SPRED2: variants seen among roughly 807,000 people sequenced by gnomAD.
SPRED2 encodes sprouty related EVH1 domain containing 2, also known as sprouty-related, EVH1 domain-containing protein 2.
SPRED2 carries 47 observed loss-of-function variants against 43.0 expected under a neutral mutation model. The ratio of observed to expected loss-of-function variants is 1.09; its 90% CI spans 0.87 to 1.40. SPRED2 has a LOEUF of 1.40. SPRED2 is among the 40% of genes most tolerant of loss of function. The pLI is 0.00. For missense variants in SPRED2, 561 were observed against 586.4 expected (o/e 0.96, Z 0.45); for synonymous variants, 225 against 225.7 (o/e 1.00, Z 0.03).
At chr2:65,391,752 T>C (rs550264908) in intron 1 of SPRED2, among the ~76,000 whole-genome samples, 4 of 152,342 alleles carry the variant, frequency 2.6e-5, no homozygotes, top group Non-Finnish European at 1.5e-5. Flanking sequence ...ACCAAACTGC[T>C]TTCCAGAAAG....
In SPRED2 at chr2:65,432,310, C is replaced by A; in HGVS notation, c.-323G>T. 3.2e-6 allele frequency: 1 copy of A among 315,834 alleles called. No individual in the cohort carries two copies. The highest frequency in any genetic ancestry group is 6.0e-6 in the Non-Finnish European group (1 of 166,686). The allele number at this position is 315,834 out of a possible 1,614,324, so 19.6% of individuals were successfully genotyped here. ...GCGGTGGGGGAGAGCAGGAGAAAAA[C>A]AAGCGCGCCTCGGAGCGGCAGGGAC... On this transcript the variant is annotated 5_prime_UTR_variant, in exon 1 of 6. Transcript: ENST00000356388.
chr2:65,339,102 G>T (rs1388117072), intron 2 of SPRED2, among the ~76,000 whole-genome samples: 2 of 72,210 alleles, frequency 2.8e-5, no homozygotes, highest in African/African-American at 7.7e-5. Context: ...GAGGTTGGGC[G>T]GGGGGTCAGC....
At position 65,371,843 on chromosome 2, in the gene SPRED2, G is replaced by A. The variant is rs546964258; in HGVS notation, c.27-26947C>T. 5.3e-5 allele frequency among the ~76,000 whole-genome samples: 8 copies of A among 152,156 alleles called. No homozygotes were observed. The South Asian group carries it at 1.7e-3, about 32-fold the overall frequency. ...CTAATCCCAGCACTTTGGGAGGCCG[G>A]GGCAGGCAGATCATTTGAGTTCAGG... On this transcript the variant is annotated intron_variant, in intron 1 of 5. Coordinates refer to ENST00000356388, the MANE Select transcript of SPRED2 (RefSeq NM_181784.3).
At chr2:65,370,571 C>A (rs566421602) in intron 1 of SPRED2, among the ~76,000 whole-genome samples, 1 of 152,312 alleles carries the variant, frequency 6.6e-6, no homozygotes, top group South Asian at 2.1e-4. Flanking sequence ...AGAACCAGAT[C>A]TTTTTCCTAC....
intron 1 of SPRED2, among the ~76,000 whole-genome samples, chr2:65,384,043 C>T (rs1159347639): frequency 6.6e-6 from 1 of 152,160 alleles, no homozygotes; most frequent in African/African-American, 2.4e-5. Flanking sequence ...ACATCTGCCT[C>T]GCTGCCACTG....
intron 3 of SPRED2, among the ~76,000 whole-genome samples, chr2:65,332,961 A>C (rs1673857068): frequency 6.6e-6 from 1 of 152,204 alleles, no homozygotes; most frequent in Non-Finnish European, 1.5e-5. Flanking sequence ...ATCTTTTAAA[A>C]TATGCATTTA....
chr2:65,312,994 T>C lies in SPRED2; in HGVS notation c.*507A>G. On this transcript the variant is annotated 3_prime_UTR_variant, in exon 6 of 6. Transcript: ENST00000356388. ...AACTGACTGCAGGCTGAGATACTTC[T>C]GTCGGGTTTCATCATTCTCACATCC... is the stretch of plus-strand genomic sequence containing the variant. The C allele has an allele frequency of 1.0e-6, 1 of 986,016 alleles. No homozygotes were observed. The highest frequency in any genetic ancestry group is 1.2e-6 in the Non-Finnish European group (1 of 830,286). The allele number at this position is 986,016 out of a possible 1,614,324, so 61.1% of individuals were successfully genotyped here.
At chr2:65,321,289 G>A (rs1673401587) in intron 4 of SPRED2, among the ~76,000 whole-genome samples, 1 of 152,060 alleles carries the variant, frequency 6.6e-6, no homozygotes, top group Non-Finnish European at 1.5e-5. Flanking sequence ...ATGATGCAGG[G>A]AGCACAGCCC....
At chr2:65,404,485 G>A (rs1181337394) in intron 1 of SPRED2, among the ~76,000 whole-genome samples, 1 of 152,206 alleles carries the variant, frequency 6.6e-6, no homozygotes, top group Non-Finnish European at 1.5e-5. Flanking sequence ...TCTCAGTAAT[G>A]AGTTTCTCAG....
At chr2:65,384,975 CTTT>C (rs35418849) in intron 1 of SPRED2, among the ~76,000 whole-genome samples, 3 of 139,810 alleles carry the variant, frequency 2.1e-5, no homozygotes, top group Admixed American at 1.5e-4. Context: ...TCCACTTCTT[CTTT>C]TTTTTTTTTT....
At chr2:65,412,620 T>TA (rs2103768164) in intron 1 of SPRED2, among the ~76,000 whole-genome samples, 1 of 152,312 alleles carries the variant, frequency 6.6e-6, no homozygotes, top group Non-Finnish European at 1.5e-5. Context: ...TCTCTGACAT[T>TA]AGTCAGAGGC....
chr2:65,371,472 G>A (rs1675122759), intron 1 of SPRED2, among the ~76,000 whole-genome samples: 1 of 152,158 alleles, frequency 6.6e-6, no homozygotes, highest in African/African-American at 2.4e-5. Flanking sequence ...CAATCCAATA[G>A]AGAAATGTCT....
At chr2:65,342,207 GTA>G (rs1207151503) in intron 2 of SPRED2, among the ~76,000 whole-genome samples, 1 of 147,738 alleles carries the variant, frequency 6.8e-6, no homozygotes, top group Non-Finnish European at 1.5e-5. Flanking sequence ...TATTATGTAT[GTA>G]TATTTTGTAT....
chr2:65,339,702 T>TA (rs1674121767), intron 2 of SPRED2, among the ~76,000 whole-genome samples: 1 of 70,588 alleles, frequency 1.4e-5, no homozygotes. Flanking sequence ...GAATGATCAA[T>TA]AAAAAATAAA....
chr2:65,314,207 G>A (rs1231766802), intron 5 of SPRED2, 38 bp from the exon 6 acceptor site: 2 of 1,524,642 alleles, frequency 1.3e-6, no homozygotes, highest in South Asian at 1.3e-5. Flanking sequence ...TTACAGCAGC[G>A]GCCAAAAAAC....
At chr2:65,322,082 T>G (rs768397104) in intron 4 of SPRED2, among the ~76,000 whole-genome samples, 14 of 151,746 alleles carry the variant, frequency 9.2e-5, no homozygotes, top group Non-Finnish European at 1.9e-4. Flanking sequence ...GCCTAAAAAT[T>G]TCTATTTTAA....
intron 1 of SPRED2, among the ~76,000 whole-genome samples, chr2:65,402,139 C>T (rs968617462): frequency 1.3e-5 from 2 of 151,528 alleles, no homozygotes; most frequent in Admixed American, 6.6e-5. Context: ...ATTAGCTGGG[C>T]GTGGTGGCAT....
chr2:65,311,364 A>G lies in SPRED2; in HGVS notation c.*2137T>C. The G allele has an allele frequency of 2.0e-6, 2 of 985,876 alleles. No individual in the cohort carries two copies. The highest frequency in any genetic ancestry group is 3.5e-5 in the African/African-American group (2 of 57,340). The allele number at this position is 985,876 out of a possible 1,614,324, so 61.1% of individuals were successfully genotyped here. A position where few individuals can be genotyped will look rare whatever the true frequency, so the allele number is the denominator to read the frequency against. On this transcript the variant is annotated 3_prime_UTR_variant, in exon 6 of 6. Transcript: ENST00000356388. ...GTAAGATCTGCTAGCGTAACTCTTA[A>G]AAGGGTGGAAAAGGACAAGGGGTGA...
chr2:65,397,870 C>A (rs562433469), intron 1 of SPRED2, among the ~76,000 whole-genome samples: 1 of 152,106 alleles, frequency 6.6e-6, no homozygotes, highest in Admixed American at 6.5e-5. Context: ...TTATTCTTCA[C>A]AGAACTAGAA....
Sources: allele counts gnomAD v4.1 joint callset (sites outside exome capture counted in the v4.1 genomes callset), GRCh38; gene constraint gnomAD v4.1.1; transcripts MANE v1.5; gene names NCBI Gene and HGNC (gene_info 2026-07-23, HGNC 2026-07-21).